Variants in SBF2 observed in about 807,000 individuals in gnomAD.
SBF2 encodes the protein SET binding factor 2.
Under a neutral mutation model 225.2 loss-of-function variants are expected in SBF2, and 112 were observed. The ratio of observed to expected loss-of-function variants is 0.50; its 90% CI spans 0.43 to 0.58. The LOEUF (loss-of-function observed/expected upper bound fraction) is 0.58. Among genes scored for constraint, SBF2 ranks in the 20% least tolerant of loss-of-function variants. The probability of loss-of-function intolerance (pLI) is 0.00; values close to 1 mark genes in which losing one functional copy is unlikely to be tolerated. For synonymous variants in SBF2, 763 were observed against 773.3 expected, an observed-to-expected ratio of 0.99 and a Z score of 0.22; for missense variants, 1,996 against 2,206.2, an observed-to-expected ratio of 0.90 and a Z score of 1.91.
intron 2 of SBF2, among the ~76,000 whole-genome samples, chr11:10,181,274 T>C (rs1454989956): frequency 6.6e-6 from 1 of 152,102 alleles, no homozygotes; most frequent in African/African-American, 2.4e-5. Flanking sequence ...TCTCAGCAAT[T>C]ACTAAGTAGC....
intron 28 of SBF2, among the ~76,000 whole-genome samples, chr11:9,824,746 G>A (rs941222413): frequency 5.9e-5 from 9 of 152,112 alleles, no homozygotes; most frequent in African/African-American, 1.9e-4. Flanking sequence ...TGTGGGGTGG[G>A]AGGGTTTCAA....
chr11:10,277,775 G>T (rs543152112), intron 1 of SBF2, among the ~76,000 whole-genome samples: 12 of 152,172 alleles, frequency 7.9e-5, no homozygotes, highest in African/African-American at 2.9e-4. Flanking sequence ...TCAGAGTTAT[G>T]CTACCACCAA....
rs1182448322 is a variant in SBF2 at position 9,784,263 on chromosome 11, A to AATCT, written c.5319+84_5319+87dup. On this transcript the variant is annotated intron_variant, in intron 38 of 39. Coordinates refer to ENST00000256190, the MANE Select transcript of SBF2 (RefSeq NM_030962.4). ...CTAAAAAAGCAGTCTGTACATGAGG[A>AATCT]ATCTATCTGTCTGCTAGAGCCACAT... 69 of 982,302 alleles carry AATCT rather than the reference A, an allele frequency of 7.0e-5. No individual in the cohort carries two copies. In the Middle Eastern group the frequency reaches 1.2e-3, roughly 18 times the overall value. The allele number at this position is 982,302 out of a possible 1,614,324, so 60.8% of individuals were successfully genotyped here.
At chr11:9,878,357 G>A (rs995599017) in intron 17 of SBF2, among the ~76,000 whole-genome samples, 1 of 152,174 alleles carries the variant, frequency 6.6e-6, no homozygotes, top group African/African-American at 2.4e-5. Flanking sequence ...TGTTCACTCT[G>A]ATGGTAGTTT....
At chr11:10,037,623 C>G (rs1412118911) in intron 3 of SBF2, among the ~76,000 whole-genome samples, 1 of 147,418 alleles carries the variant, frequency 6.8e-6, no homozygotes, top group African/African-American at 2.5e-5. Context: ...AACTAGTGTA[C>G]AGCAACTTTT....
intron 1 of SBF2, among the ~76,000 whole-genome samples, chr11:10,260,450 C>T (rs1035470840): frequency 6.6e-6 from 1 of 151,982 alleles, no homozygotes; most frequent in Non-Finnish European, 1.5e-5. Context: ...GGCACGGTGG[C>T]TCACGCCTGT....
chr11:9,887,147 A>C (rs1479429671), intron 17 of SBF2, among the ~76,000 whole-genome samples: 5 of 152,068 alleles, frequency 3.3e-5, no homozygotes, highest in Admixed American at 3.3e-4. Context: ...AAAATTGTCC[A>C]TCACATGAAA....
chr11:9,853,414 A>C lies in SBF2; in HGVS notation c.2536+126T>G, dbSNP rs182060698. The stretch of plus-strand genomic sequence containing the variant: ...TTTACAACAATTTAAAAACATTTTA[A>C]AAACTAATCAGAAAATAAATAAATA... On this transcript the variant is annotated intron_variant, in intron 20 of 39. Coordinates refer to ENST00000256190, the MANE Select transcript of SBF2 (RefSeq NM_030962.4). 759 of 848,258 alleles carry C rather than the reference A, an allele frequency of 8.9e-4. 1 individual carries two copies. The highest frequency in any genetic ancestry group is 1.3e-3 in the Non-Finnish European group (677 of 524,084). 52.5% of individuals were successfully genotyped at this position (848,258 alleles called of 1,614,324 possible).
At chr11:10,049,705 G>A (rs749677264) in intron 2 of SBF2, among the ~76,000 whole-genome samples, 6 of 152,040 alleles carry the variant, frequency 3.9e-5, no homozygotes, top group Non-Finnish European at 7.4e-5. Context: ...CAGTATAAAG[G>A]GTACTGAGAC....
intron 2 of SBF2, among the ~76,000 whole-genome samples, chr11:10,150,142 T>C (rs1195152180): frequency 2.0e-5 from 3 of 152,168 alleles, no homozygotes; most frequent in Non-Finnish European, 4.4e-5. Context: ...CTCTTATCTA[T>C]GCCAAAATCC....
chr11:9,862,904 G>A (rs536407821), intron 17 of SBF2, among the ~76,000 whole-genome samples: 1 of 152,250 alleles, frequency 6.6e-6, no homozygotes, highest in South Asian at 2.1e-4. Flanking sequence ...TACTGAGGGT[G>A]TGAGATGGTG....
intron 16 of SBF2, among the ~76,000 whole-genome samples, chr11:9,953,530 C>T (rs1195292605): frequency 6.6e-6 from 1 of 152,194 alleles, no homozygotes; most frequent in Non-Finnish European, 1.5e-5. Flanking sequence ...ATGGCATTCG[C>T]AGCAACCTGG....
rs977992471 is a variant in SBF2 at position 10,176,480 on chromosome 11, T to C, written c.141+17422A>G. Among the ~76,000 whole-genome samples, 4 of 151,156 alleles carry C rather than the reference T, an allele frequency of 2.6e-5. No homozygotes were observed. The East Asian group carries it at 7.8e-4, about 30-fold the overall frequency. ...AAGAAAAAAAGAGAGAAGAATCAAATAGATGCAATAAAAAATGATAAAGGG... is the reference window on the plus strand; with the variant it reads ...AAGAAAAAAAGAGAGAAGAATCAAACAGATGCAATAAAAAATGATAAAGGG... On this transcript the variant is annotated intron_variant, in intron 2 of 39. Coordinates refer to ENST00000256190, the MANE Select transcript of SBF2 (RefSeq NM_030962.4).
rs114487588 is a variant in SBF2, at chr11:9,826,694, C to T, written c.3793+2662G>A. ...TGATGTTCAAGCAGAAACAAGATTA[C>T]TTACTTAGTGTGTGGTGTGTATATA... On this transcript the variant is annotated intron_variant, in intron 28 of 39. Coordinates refer to ENST00000256190, the MANE Select transcript of SBF2 (RefSeq NM_030962.4). 9.0e-3 allele frequency among the ~76,000 whole-genome samples: 1,354 copies of T among 150,524 alleles called. 20 individuals are homozygous for T. The highest frequency in any genetic ancestry group is 0.031 in the African/African-American group (1,250 of 40,922).
chr11:10,162,633 A>G (rs528552851), intron 2 of SBF2, among the ~76,000 whole-genome samples: 1 of 152,362 alleles, frequency 6.6e-6, no homozygotes, highest in Admixed American at 6.5e-5. Flanking sequence ...CAGTCAAATT[A>G]TCAGAACCAA....
intron 2 of SBF2, among the ~76,000 whole-genome samples, chr11:10,186,576 A>AGG (rs1383392043): frequency 6.6e-6 from 1 of 152,178 alleles, no homozygotes; most frequent in Non-Finnish European, 1.5e-5. Flanking sequence ...TCAACCCAAA[A>AGG]GCTCTCTGAG....
chr11:10,006,734 A>G (rs1372957934), intron 6 of SBF2, among the ~76,000 whole-genome samples: 1 of 152,122 alleles, frequency 6.6e-6, no homozygotes, highest in East Asian at 1.9e-4. Flanking sequence ...TTCCTCCTGG[A>G]GCTTCCATTT....
At chr11:9,917,676 C>CTCACTTTTTTTTT (rs1863218277) in intron 16 of SBF2, among the ~76,000 whole-genome samples, 1 of 150,882 alleles carries the variant, frequency 6.6e-6, no homozygotes, top group African/African-American at 2.5e-5. Context: ...ATTAGTATTC[C>CTCACTTTTTTTTT]TCACTTTTTT....
At chr11:10,113,798 T>TTA (rs1565244157) in intron 2 of SBF2, among the ~76,000 whole-genome samples, 3 of 144,010 alleles carry the variant, frequency 2.1e-5, no homozygotes, top group South Asian at 2.2e-4. Context: ...ACATGCAGTT[T>TTA]AAAAAAAAAA....
Sources: gnomAD v4.1 joint callset for allele counts (sites outside exome capture counted in the v4.1 genomes callset) on GRCh38, gnomAD v4.1.1 for gene constraint, MANE v1.5 for transcripts, NCBI Gene and HGNC (gene_info 2026-07-23, HGNC 2026-07-21) for gene names.